Variants in UNC79 observed in about 807,000 individuals in gnomAD.
UNC79 encodes the protein unc-79 subunit of NALCN channel complex.
Under a neutral mutation model 283.1 loss-of-function variants are expected in UNC79, and 37 were observed. The observed-to-expected ratio is 0.13, with a 90% CI of 0.10 to 0.17. The LOEUF (loss-of-function observed/expected upper bound fraction) is 0.17. UNC79 is among the 10% of genes least tolerant of loss of function. The pLI is 1.00. For missense variants in UNC79, 2,272 were observed against 3,211.1 expected (o/e 0.71, Z 7.07); for synonymous variants, 1,107 against 1,200.2 (o/e 0.92, Z 1.61).
chr14:93,503,340 TTA>T (rs2059385882), intron 7 of UNC79, among the ~76,000 whole-genome samples: 1 of 152,112 alleles, frequency 6.6e-6, no homozygotes, highest in South Asian at 2.1e-4. Context: ...TTTCTGGCTT[TTA>T]TATATAATGT....
At chr14:93,490,515 T>C (rs2058672785) in intron 5 of UNC79, among the ~76,000 whole-genome samples, 1 of 152,188 alleles carries the variant, frequency 6.6e-6, no homozygotes, top group African/African-American at 2.4e-5. Context: ...TATCCAATTT[T>C]ATCACTCACA....
At chr14:93,566,234 C>T (rs1361943779) in intron 14 of UNC79, among the ~76,000 whole-genome samples, 1 of 152,162 alleles carries the variant, frequency 6.6e-6, no homozygotes, top group African/African-American at 2.4e-5. Context: ...CTCTTATAAA[C>T]CAGACTCTTT....
At chr14:93,686,407 C>A (rs765905927) in intron 42 of UNC79, among the ~76,000 whole-genome samples, 165 bp from the exon 46 acceptor site, 3 of 151,558 alleles carry the variant, frequency 2.0e-5, no homozygotes, top group Non-Finnish European at 4.4e-5. Context: ...AATTTTTGTC[C>A]AAATGCTGGG....
intron 1 of UNC79, among the ~76,000 whole-genome samples, chr14:93,354,386 A>G (rs540506583): frequency 6.6e-6 from 1 of 152,266 alleles, no homozygotes; most frequent in Admixed American, 6.5e-5. Context: ...GGAAATGCTC[A>G]TTGGAGCATT....
intron 40 of UNC79, among the ~76,000 whole-genome samples, chr14:93,666,513 A>G (rs1447114981): frequency 6.6e-6 from 1 of 152,208 alleles, no homozygotes; most frequent in Non-Finnish European, 1.5e-5. Context: ...ATTATTACAA[A>G]GAAAGTCACA....
At chr14:93,670,951 T>C (rs971062772) in intron 40 of UNC79, among the ~76,000 whole-genome samples, 1 of 152,250 alleles carries the variant, frequency 6.6e-6, no homozygotes. Flanking sequence ...TGAATCCATT[T>C]AACTGTATGC....
chr14:93,482,214 G>A (rs979845602), intron 4 of UNC79, among the ~76,000 whole-genome samples: 8 of 152,096 alleles, frequency 5.3e-5, no homozygotes, highest in Non-Finnish European at 1.0e-4. Context: ...TATTGCTTGA[G>A]GTAAGAGGCC....
intron 1 of UNC79, among the ~76,000 whole-genome samples, chr14:93,393,891 T>C (rs1247127840): frequency 6.6e-6 from 1 of 152,082 alleles, no homozygotes; most frequent in Non-Finnish European, 1.5e-5. Context: ...ATTTGGGGAG[T>C]TACTATTGTC....
intron 7 of UNC79, among the ~76,000 whole-genome samples, chr14:93,522,156 A>T (rs1018739677): frequency 6.6e-6 from 1 of 152,098 alleles, no homozygotes; most frequent in Admixed American, 6.6e-5. Context: ...TTTCTGGCAG[A>T]ATAGAAGTCT....
chr14:93,431,670 A>C (rs1238238214), intron 1 of UNC79, among the ~76,000 whole-genome samples: 2 of 152,214 alleles, frequency 1.3e-5, no homozygotes, highest in African/African-American at 4.8e-5. Flanking sequence ...GCTCTGGGAA[A>C]ATGACCTAAT....
chr14:93,578,213 C>A, intron 18 of UNC79, 150 bp downstream of exon 18: 1 of 738,888 alleles, frequency 1.4e-6, no homozygotes, highest in Non-Finnish European at 2.2e-6. Flanking sequence ...TGGAGATTTT[C>A]TAAAAAGTCT....
At chr14:93,448,485 T>C (rs2056533918) in intron 1 of UNC79, among the ~76,000 whole-genome samples, 1 of 152,206 alleles carries the variant, frequency 6.6e-6, no homozygotes, top group African/African-American at 2.4e-5. Context: ...TGTCTGTTAG[T>C]TCCAGCATCT....
intron 1 of UNC79, among the ~76,000 whole-genome samples, chr14:93,419,414 G>T: frequency 6.6e-6 from 1 of 151,418 alleles, no homozygotes; most frequent in Admixed American, 6.6e-5. Flanking sequence ...TGATCCACCT[G>T]CCTCAGCCTC....
intron 1 of UNC79, among the ~76,000 whole-genome samples, chr14:93,365,079 C>T (rs780849191): frequency 6.6e-6 from 1 of 151,618 alleles, no homozygotes; most frequent in Non-Finnish European, 1.5e-5. Flanking sequence ...CAAAAAAAAA[C>T]CTTTTAATTA....
chr14:93,598,398 GTGTGTGTGTGT>G (rs1566742075), intron 24 of UNC79, among the ~76,000 whole-genome samples: 4 of 151,656 alleles, frequency 2.6e-5, no homozygotes, highest in South Asian at 2.1e-4. Context: ...GTGTGTGTGT[GTGTGTGTGTGT>G]GGCAGATTTT....
At chr14:93,505,632 A>G (rs781510015) in intron 7 of UNC79, among the ~76,000 whole-genome samples, 1 of 152,092 alleles carries the variant, frequency 6.6e-6, no homozygotes, top group Non-Finnish European at 1.5e-5. Flanking sequence ...CATTTAGCCC[A>G]TATATATGTA....
At chr14:93,516,740 A>G (rs957242380) in intron 7 of UNC79, among the ~76,000 whole-genome samples, 4 of 152,026 alleles carry the variant, frequency 2.6e-5, no homozygotes, top group Non-Finnish European at 5.9e-5. Flanking sequence ...GAGCCATTGC[A>G]TCTGACCTCT....
chr14:93,609,938 A>G lies in UNC79; in HGVS notation c.3755-2859A>G, dbSNP rs186525035. ...AACATTTTTTTATGCAAAAGTTTCC[A>G]TAAACATCCTTTTTTCAGTACATTT... On this transcript the variant is annotated intron_variant, in intron 26 of 48. Coordinates refer to ENST00000555664, the Ensembl canonical transcript of UNC79. 3.9e-5 allele frequency among the ~76,000 whole-genome samples: 6 copies of G among 152,346 alleles called. No homozygotes were observed. In the East Asian group the frequency reaches 1.2e-3, roughly 29 times the overall value.
At chr14:93,660,102 C>T (rs1596276433) in intron 39 of UNC79, among the ~76,000 whole-genome samples, 1 of 152,142 alleles carries the variant, frequency 6.6e-6, no homozygotes, top group Non-Finnish European at 1.5e-5. Flanking sequence ...GCACTGCATT[C>T]GCTGCAGTGG....
Sources: gnomAD v4.1 joint callset for allele counts (sites outside exome capture counted in the v4.1 genomes callset) on GRCh38, gnomAD v4.1.1 for gene constraint, MANE v1.5 for transcripts, NCBI Gene and HGNC (gene_info 2026-07-23, HGNC 2026-07-21) for gene names.